The following VWA8 variants were observed in gnomAD, a reference collection of about 807,000 sequenced individuals.
VWA8 encodes the protein von Willebrand factor A domain-containing protein 8.
In VWA8, 221 loss-of-function variants were observed where a neutral mutation model predicts 241.5. The observed-to-expected ratio is 0.91, with a 90% confidence interval of 0.82 to 1.02. The LOEUF is 1.02. Ranked by LOEUF, VWA8 falls within the 50% of genes least tolerant of loss-of-function variation. The pLI is 0.00. For missense variants in VWA8, 2,322 were observed against 2,328.7 expected, an observed-to-expected ratio of 1.00 and a Z score of 0.06; for synonymous variants, 852 against 827.1, an observed-to-expected ratio of 1.03 and a Z score of -0.52.
chr13:41,835,707 C>T (rs1331038), intron 12 of VWA8, among the ~76,000 whole-genome samples: 122,809 of 152,078 alleles, frequency 0.81, 50,552 homozygotes, highest in East Asian at 1. Context: ...TCAAATATTA[C>T]ATATGCATAT....
intron 21 of VWA8, among the ~76,000 whole-genome samples, chr13:41,741,406 G>A (rs750994893): frequency 6.6e-6 from 1 of 152,088 alleles, no homozygotes; most frequent in Non-Finnish European, 1.5e-5. Context: ...ATGATAAATG[G>A]TTATGGCCCA....
intron 21 of VWA8, among the ~76,000 whole-genome samples, chr13:41,746,747 T>C (rs2045610227): frequency 6.6e-6 from 1 of 152,170 alleles, no homozygotes; most frequent in South Asian, 2.1e-4. Flanking sequence ...GGAATTAATA[T>C]GGAATAACTG....
At chr13:41,631,737 T>G (rs1215351701) in intron 37 of VWA8, among the ~76,000 whole-genome samples, 1 of 152,226 alleles carries the variant, frequency 6.6e-6, no homozygotes, top group African/African-American at 2.4e-5. Context: ...ATTCACGGAT[T>G]AAGATGCTAT....
At chr13:41,875,082 G>C (rs554347116) in intron 9 of VWA8, among the ~76,000 whole-genome samples, 1 of 152,232 alleles carries the variant, frequency 6.6e-6, no homozygotes, top group Non-Finnish European at 1.5e-5. Flanking sequence ...ACAATGGTTT[G>C]TTAAATGAAC....
chr13:41,898,921 G>A (rs1425386246), intron 4 of VWA8, among the ~76,000 whole-genome samples: 2 of 152,058 alleles, frequency 1.3e-5, no homozygotes, highest in African/African-American at 2.4e-5. Context: ...AAGCTGGCCC[G>A]CAAGCGCCGC....
intron 28 of VWA8, among the ~76,000 whole-genome samples, chr13:41,701,084 A>G (rs945779193): frequency 2.0e-5 from 3 of 152,190 alleles, no homozygotes; most frequent in African/African-American, 7.2e-5. Flanking sequence ...CAAAAAACCC[A>G]ATGTTTCTCC....
At chr13:41,876,630 A>G (rs1412990438) in intron 9 of VWA8, among the ~76,000 whole-genome samples, 2 of 152,124 alleles carry the variant, frequency 1.3e-5, no homozygotes, top group East Asian at 3.8e-4. Context: ...AGCTCCACGA[A>G]GGTAGAAACT....
At chr13:41,957,308 TG>T (rs1179192795) in intron 1 of VWA8, among the ~76,000 whole-genome samples, 1 of 152,196 alleles carries the variant, frequency 6.6e-6, no homozygotes, top group East Asian at 1.9e-4. Flanking sequence ...CTCTCTTACT[TG>T]CCGCTATGTA....
At chr13:41,903,488 T>A (rs1288121509) in intron 4 of VWA8, among the ~76,000 whole-genome samples, 1 of 152,128 alleles carries the variant, frequency 6.6e-6, no homozygotes, top group East Asian at 1.9e-4. Context: ...GATAATATCA[T>A]GTACGATGAC....
At chr13:41,911,062 CTTT>C (rs5803108) in intron 3 of VWA8, among the ~76,000 whole-genome samples, 13 of 97,938 alleles carry the variant, frequency 1.3e-4, no homozygotes, top group South Asian at 4.0e-4. Flanking sequence ...CATTTTCTTT[CTTT>C]TTTTTTTTTT....
intron 25 of VWA8, among the ~76,000 whole-genome samples, chr13:41,720,712 A>G (rs2045382809): frequency 6.6e-6 from 1 of 151,928 alleles, no homozygotes; most frequent in South Asian, 2.1e-4. Context: ...TCCCTGCCCC[A>G]CCTTTCTACT....
intron 28 of VWA8, 72 bp downstream of exon 28, chr13:41,701,318 CTA>C (rs2045247888): frequency 2.0e-6 from 3 of 1,466,082 alleles, no homozygotes; most frequent in Admixed American, 2.5e-5. Flanking sequence ...TTTTTGATGT[CTA>C]GAGATTATTT....
Position 41,761,127 on chromosome 13 carries a change from C to T in VWA8, c.2426+1G>A, listed in dbSNP as rs548304786. The T allele has an allele frequency of 1.9e-6, 3 of 1,610,274 alleles. No individual in the cohort carries two copies. The highest frequency in any genetic ancestry group is 1.3e-5 in the African/African-American group (1 of 74,628). Reference sequence around the variant, plus strand: ...AGAGGTTGTGGGTCTAATAGTCTTACCTGTGTAGCTGAATATATTCTCGGG... The same window carrying T: ...AGAGGTTGTGGGTCTAATAGTCTTATCTGTGTAGCTGAATATATTCTCGGG... On this transcript the variant is annotated splice_donor_variant, in intron 21 of 44. Coordinates refer to ENST00000379310, the MANE Select transcript of VWA8 (RefSeq NM_015058.2). LOFTEE classifies it high-confidence loss of function.
At chr13:41,946,005 T>C in intron 2 of VWA8, among the ~76,000 whole-genome samples, 1 of 151,776 alleles carries the variant, frequency 6.6e-6, no homozygotes, top group East Asian at 1.9e-4. Flanking sequence ...GAAGAGAGAA[T>C]CTTGATAGCA....
intron 4 of VWA8, among the ~76,000 whole-genome samples, chr13:41,894,447 C>A (rs1444184143): frequency 2.0e-5 from 3 of 152,206 alleles, no homozygotes; most frequent in Non-Finnish European, 2.9e-5. Context: ...GTCAATGCTG[C>A]AACTTTTCTC....
At chr13:41,741,138 C>G (rs1023842605) in intron 21 of VWA8, among the ~76,000 whole-genome samples, 1 of 152,170 alleles carries the variant, frequency 6.6e-6, no homozygotes, top group Non-Finnish European at 1.5e-5. Flanking sequence ...CTCATTCTCC[C>G]TCTCACCAGC....
At chr13:41,623,429 C>G (rs1177930785) in intron 37 of VWA8, among the ~76,000 whole-genome samples, 1 of 152,146 alleles carries the variant, frequency 6.6e-6, no homozygotes, top group Non-Finnish European at 1.5e-5. Context: ...GGGTTTTCTG[C>G]TACTTGGAGT....
chr13:41,612,118 G>C (rs1007143548), intron 38 of VWA8, among the ~76,000 whole-genome samples: 5 of 152,162 alleles, frequency 3.3e-5, no homozygotes, highest in African/African-American at 1.2e-4. Context: ...GAATATCATA[G>C]ATACTTAGTA....
chr13:41,731,183 A>G (rs948756200), intron 22 of VWA8, among the ~76,000 whole-genome samples: 1 of 151,980 alleles, frequency 6.6e-6, no homozygotes, highest in African/African-American at 2.4e-5. Flanking sequence ...AGGAGATCCT[A>G]AAGACTCCAC....
Sources: gnomAD v4.1 joint callset for allele counts (sites outside exome capture counted in the v4.1 genomes callset) on GRCh38, gnomAD v4.1.1 for gene constraint, MANE v1.5 for transcripts, NCBI Gene and HGNC (gene_info 2026-07-23, HGNC 2026-07-21) for gene names.